The following CDYL2 variants were observed in gnomAD, a reference collection of about 807,000 sequenced individuals.
CDYL2 encodes chromodomain Y like 2, also known as chromodomain Y-like protein 2.
CDYL2 carries 23 observed loss-of-function variants against 49.4 expected under a neutral mutation model. The ratio of observed to expected loss-of-function variants is 0.47; its 90% CI spans 0.34 to 0.66. The LOEUF (loss-of-function observed/expected upper bound fraction) is 0.66. Ranked by LOEUF, CDYL2 falls within the 30% of genes least tolerant of loss-of-function variation. The pLI is 0.01. For missense variants in CDYL2, 678 were observed against 656.4 expected (o/e 1.03, Z -0.36); for synonymous variants, 360 against 268.8 (o/e 1.34, Z -3.32).
At chr16:80,709,741 G>A (rs1036701969) in intron 1 of CDYL2, among the ~76,000 whole-genome samples, 2 of 152,058 alleles carry the variant, frequency 1.3e-5, no homozygotes, top group African/African-American at 4.8e-5. Context: ...CCAACTTTCA[G>A]TCTTTTTTAA....
chr16:80,671,529 A>G (rs774944224), intron 2 of CDYL2, among the ~76,000 whole-genome samples: 3 of 152,088 alleles, frequency 2.0e-5, no homozygotes, highest in Admixed American at 1.3e-4. Flanking sequence ...CAACCAGCAA[A>G]CATGCTCTGG....
rs1032051749 is a variant in CDYL2, at chr16:80,598,362, T to A, written c.*6026A>T. On this transcript the variant is annotated 3_prime_UTR_variant, in exon 7 of 7. Transcript: ENST00000570137. Reference sequence around the variant, plus strand: ...GGTAGCCTGCTTCATTATCGGAAGTTTGGTAATAAGCCTTACCAATAGAAT... The same window carrying A: ...GGTAGCCTGCTTCATTATCGGAAGTATGGTAATAAGCCTTACCAATAGAAT... The A allele has an allele frequency of 6.6e-6, 1 of 152,052 alleles. No homozygotes were observed. Among genetic ancestry groups the A allele is most frequent in the South Asian group, 2.1e-4 (1 of 4,822 alleles). 9.4% of individuals were successfully genotyped at this position (152,052 alleles called of 1,614,324 possible).
Position 80,621,404 on chromosome 16 carries a change from G to T in CDYL2, c.835-469C>A, listed in dbSNP as rs111545455. 9.7e-3 allele frequency among the ~76,000 whole-genome samples: 1,478 copies of T among 152,348 alleles called. 24 individuals carry two copies. The highest frequency in any genetic ancestry group is 0.034 in the African/African-American group (1,410 of 41,590). The stretch of plus-strand genomic sequence containing the variant: ...CTCCAGCTCATACCCCGCACGGCCT[G>T]CAGGTGCCACATGGCAAGTGGGCTT... On this transcript the variant is annotated intron_variant, in intron 3 of 6. Transcript: ENST00000570137.
In CDYL2 at chr16:80,676,589, G is replaced by C. The variant is rs548397118; in HGVS notation, c.616+7949C>G. On this transcript the variant is annotated intron_variant, in intron 2 of 6. Transcript: ENST00000570137. ...AGGCAATGAACTGGGGTCAAGTTCA[G>C]GGCAAGGAATGAGATGTTTCTGAAA... Among the ~76,000 whole-genome samples the C allele has an allele frequency of 7.9e-5, 12 of 152,320 alleles. No homozygotes were observed. The South Asian group carries it at 2.5e-3, about 32-fold the overall frequency.
At chr16:80,650,831 C>T (rs960400108) in intron 2 of CDYL2, among the ~76,000 whole-genome samples, 1 of 152,030 alleles carries the variant, frequency 6.6e-6, no homozygotes, top group Non-Finnish European at 1.5e-5. Flanking sequence ...ACAGATGGAA[C>T]TGGAGGTCAT....
chr16:80,639,107 T>C (rs74028373), intron 2 of CDYL2, among the ~76,000 whole-genome samples: 4,638 of 152,264 alleles, frequency 0.03, 257 homozygotes, highest in African/African-American at 0.11. Context: ...ACATTCACCA[T>C]CATTTTTCAT....
At chr16:80,700,516 A>C (rs933781281) in intron 1 of CDYL2, among the ~76,000 whole-genome samples, 1 of 152,264 alleles carries the variant, frequency 6.6e-6, no homozygotes, top group Non-Finnish European at 1.5e-5. Flanking sequence ...CAGAATAAGA[A>C]ATACAAATTC....
chr16:80,789,121 C>A (rs888537329), intron 1 of CDYL2, among the ~76,000 whole-genome samples: 11 of 151,482 alleles, frequency 7.3e-5, no homozygotes, highest in African/African-American at 1.7e-4. Flanking sequence ...CAAAAAAAAA[C>A]AACAGAGTTG....
chr16:80,703,773 T>C (rs1408491954), intron 1 of CDYL2, among the ~76,000 whole-genome samples: 6 of 152,158 alleles, frequency 3.9e-5, no homozygotes, highest in African/African-American at 1.4e-4. Flanking sequence ...GGACCCCTAC[T>C]GCAGGGTCCT....
intron 4 of CDYL2, among the ~76,000 whole-genome samples, chr16:80,618,814 C>T (rs765042553): frequency 5.3e-5 from 8 of 152,172 alleles, no homozygotes; most frequent in Non-Finnish European, 7.3e-5. Context: ...CCATTGAGGA[C>T]GTTGGGCAGA....
At chr16:80,613,755 G>T (rs1346801410) in intron 4 of CDYL2, among the ~76,000 whole-genome samples, 1 of 152,202 alleles carries the variant, frequency 6.6e-6, no homozygotes, top group African/African-American at 2.4e-5. Flanking sequence ...TCTGGACATG[G>T]AGGAAAGACA....
intron 1 of CDYL2, among the ~76,000 whole-genome samples, chr16:80,798,882 T>G (rs1053893196): frequency 6.6e-6 from 1 of 152,186 alleles, no homozygotes; most frequent in East Asian, 1.9e-4. Flanking sequence ...AAATGGAAAC[T>G]ATCTAGATGT....
chr16:80,779,976 G>A (rs764379127), intron 1 of CDYL2, among the ~76,000 whole-genome samples: 1 of 152,068 alleles, frequency 6.6e-6, no homozygotes, highest in African/African-American at 2.4e-5. Context: ...ATATAATGAA[G>A]AGAAGAAAAT....
At position 80,804,275 on chromosome 16, in the gene CDYL2, G is replaced by A; in HGVS notation, c.-102C>T. The A allele has an allele frequency of 9.9e-7, 1 of 1,008,230 alleles. No homozygotes were observed. The allele number at this position is 1,008,230 out of a possible 1,614,324, so 62.5% of individuals were successfully genotyped here. A position where few individuals can be genotyped will look rare whatever the true frequency, so the allele number is the denominator to read the frequency against. On this transcript the variant is annotated 5_prime_UTR_variant, in exon 1 of 7. Transcript: ENST00000570137. ...GGTGTGCGCGTGTGTGTGCGCGCGT[G>A]TGTGTGCGAGTGTGTGTGGTGTGTT...
Position 80,620,769 on chromosome 16 carries a change from G to A in CDYL2, c.1001C>T (p.Ala334Val). ...GAAAAGGAGCACAGCTCACCTGATG[G>A]CTTCTGCAATCCGAGTGCTCTCCTT... ...RRKESTRIAE[A>V]IRDFVKAFIQ... is the part of the protein sequence containing the mutation. The change falls in exon 4 of 7, where the codon GCC becomes GTC. Residue 334 changes from alanine to valine, a missense_variant. By Grantham distance (64) the Ala-to-Val change is moderately conservative. Around this residue, in one of 3 missense-constraint regions of CDYL2, gnomAD observed 47 missense variants for 78.8 expected, o/e 0.60. Transcript: ENST00000570137. 6.2e-7 allele frequency: 1 copy of A among 1,601,462 alleles called. No homozygotes were observed. The highest frequency in any genetic ancestry group is 1.7e-4 in the Middle Eastern group (1 of 6,004).
intron 1 of CDYL2, among the ~76,000 whole-genome samples, chr16:80,688,519 A>G (rs542739263): frequency 6.6e-6 from 1 of 152,358 alleles, no homozygotes; most frequent in Admixed American, 6.5e-5. Flanking sequence ...AACTGCTTTT[A>G]TATACATTGT....
chr16:80,676,821 G>A (rs1046277273), intron 2 of CDYL2, among the ~76,000 whole-genome samples: 1 of 152,114 alleles, frequency 6.6e-6, no homozygotes, highest in Non-Finnish European at 1.5e-5. Flanking sequence ...TAATCATTTG[G>A]ATAAGGGAGG....
At chr16:80,652,643 A>T (rs1908632992) in intron 2 of CDYL2, among the ~76,000 whole-genome samples, 1 of 152,206 alleles carries the variant, frequency 6.6e-6, no homozygotes, top group African/African-American at 2.4e-5. Context: ...GAGAAACCTG[A>T]CACGCATACC....
At chr16:80,700,643 C>T (rs150146500) in intron 1 of CDYL2, among the ~76,000 whole-genome samples, 134 of 152,248 alleles carry the variant, frequency 8.8e-4, no homozygotes, top group Middle Eastern at 3.4e-3. Flanking sequence ...GTTGCTAATA[C>T]CCTATGTTGG....
Sources: allele counts gnomAD v4.1 joint callset (sites outside exome capture counted in the v4.1 genomes callset), GRCh38; gene constraint gnomAD v4.1.1; regional missense constraint gnomAD v4.1.1; transcripts MANE v1.5; gene names NCBI Gene and HGNC (gene_info 2026-07-23, HGNC 2026-07-21).